DDX18: variants seen among roughly 807,000 people sequenced by gnomAD.
DDX18 encodes the protein ATP-dependent RNA helicase DDX18.
DDX18 carries 23 observed loss-of-function variants against 73.5 expected under a neutral mutation model. The ratio of observed to expected loss-of-function variants is 0.31; its 90% confidence interval spans 0.23 to 0.44. The LOEUF (loss-of-function observed/expected upper bound fraction) is 0.44. Among genes scored for constraint, DDX18 ranks in the 20% least tolerant of loss-of-function variants. The probability of loss-of-function intolerance (pLI) is 1.00; values close to 1 mark genes in which losing one functional copy is unlikely to be tolerated. For missense variants in DDX18, 753 were observed against 792.9 expected, an observed-to-expected ratio of 0.95 and a Z score of 0.60; for synonymous variants, 268 against 282.7, an observed-to-expected ratio of 0.95 and a Z score of 0.52.
intron 4 of DDX18, 121 bp downstream of exon 4, chr2:117,821,417 A>C (rs1227673171): frequency 2.3e-6 from 3 of 1,301,940 alleles, no homozygotes; most frequent in African/African-American, 1.5e-5. Context: ...TCCAGCATAC[A>C]TTAAAGGCTT....
chr2:117,830,365 G>A (rs978596567), intron 13 of DDX18, among the ~76,000 whole-genome samples: 4 of 152,112 alleles, frequency 2.6e-5, no homozygotes, highest in Non-Finnish European at 4.4e-5. Context: ...ATTACACACC[G>A]AAGTTTAAAA....
chr2:117,819,842 C>G (rs372599758), intron 3 of DDX18, 50 bp downstream of exon 3: 25 of 1,490,708 alleles, frequency 1.7e-5, no homozygotes, highest in Non-Finnish European at 2.1e-5. Flanking sequence ...ATGTGCCTCT[C>G]TTAGAGGATT....
intron 2 of DDX18, among the ~76,000 whole-genome samples, chr2:117,818,672 T>TTTTG (rs569132250): frequency 0.013 from 2,013 of 152,066 alleles, 44 homozygotes; most frequent in South Asian, 0.082. Flanking sequence ...CTTATGGGTT[T>TTTTG]TTTGTTTGTT....
Position 117,822,261 on chromosome 2 carries a change from A to G in DDX18, c.1066A>G (p.Thr356Ala). 2.5e-6 allele frequency: 4 copies of G among 1,609,106 alleles called. No individual in the cohort carries two copies. The highest frequency in any genetic ancestry group is 1.7e-5 in the Admixed American group (1 of 59,942). ...AAAGCAAATTATTAAACTTTTGCCA[A>G]GTAAGTAGGTAGCATCTGCATTTGG... The part of the protein sequence containing the change: ...ELKQIIKLLP[T>A]RRQTMLFSAT... The change falls in exon 7 of 14, where the codon ACA becomes GCA. Residue 356 changes from threonine (T) to alanine (A), a missense_variant and splice_region_variant. This residue lies in a region of DDX18 where 402 missense variants were observed against 419.4 expected (regional missense o/e 0.96). Transcript: ENST00000263239.
At chr2:117,816,634 G>A (rs990813568) in intron 1 of DDX18, among the ~76,000 whole-genome samples, 10 of 152,054 alleles carry the variant, frequency 6.6e-5, no homozygotes, top group African/African-American at 2.4e-4. Flanking sequence ...AGTAAAAGGA[G>A]TAAACTCTAA....
At chr2:117,825,419 T>G in intron 9 of DDX18, 28 bp from the exon 10 acceptor site, 1 of 1,601,360 alleles carries the variant, frequency 6.2e-7, no homozygotes, top group Non-Finnish European at 8.5e-7. Flanking sequence ...AGATTCCAGC[T>G]CTAATGGATG....
At chr2:117,823,714 C>G (rs895414619) in intron 7 of DDX18, among the ~76,000 whole-genome samples, 1 of 152,032 alleles carries the variant, frequency 6.6e-6, no homozygotes, top group African/African-American at 2.4e-5. Context: ...GAGCAGACAT[C>G]CTTATCTTGG....
chr2:117,824,972 C>G lies in DDX18; in HGVS notation c.1239C>G (p.Phe413Leu). ...TTGTTTGTCCTTCTGAAAAGAGATT[C>G]CTTCTGCTCTTTACATTCCTTAAGA... ...GYVVCPSEKR[F>L]LLLFTFLKKN... Residue 413 changes from phenylalanine to leucine, a missense_variant, in exon 9 of 14, where the codon TTC becomes TTG. By Grantham distance (22) the Phe-to-Leu change is conservative. Around this residue, in one of 3 missense-constraint regions of DDX18, gnomAD observed 402 missense variants for 419.4 expected, o/e 0.96. Coordinates refer to ENST00000263239, the MANE Select transcript of DDX18 (RefSeq NM_006773.4). The G allele has an allele frequency of 6.2e-7, 1 of 1,612,214 alleles. No homozygotes were observed. The highest frequency in any genetic ancestry group is 8.5e-7 in the Non-Finnish European group (1 of 1,179,522).
intron 3 of DDX18, among the ~76,000 whole-genome samples, chr2:117,820,646 C>T (rs2104621342): frequency 6.6e-6 from 1 of 152,310 alleles, no homozygotes; most frequent in Admixed American, 6.5e-5. Context: ...TGGGGAACCC[C>T]CAGGTGATTT....
intron 1 of DDX18, chr2:117,815,640 A>G (rs944733364): frequency 1.3e-5 from 2 of 152,246 alleles, no homozygotes; most frequent in African/African-American, 4.8e-5. Context: ...AGGTTTGTGA[A>G]TTTTAGGAAT....
chr2:117,817,621 A>G lies in DDX18; in HGVS notation c.263A>G (p.Gln88Arg), dbSNP rs541751778. ...AATATAAAAGTTACAAAGTCTCCCC[A>G]GAAATCCACTGTATTAACCAATGGA... ...VGNIKVTKSPQKSTVLTNGEA... is the reference protein window; with the variant it reads ...VGNIKVTKSPRKSTVLTNGEA... Residue 88 changes from glutamine to arginine, a missense_variant, in exon 2 of 14, where the codon CAG (glutamine) becomes CGG (arginine). By Grantham distance (43) the Gln-to-Arg change is conservative. Coordinates refer to ENST00000263239, the MANE Select transcript of DDX18 (RefSeq NM_006773.4). The G allele has an allele frequency of 1.2e-6, 2 of 1,614,092 alleles. No individual in the cohort carries two copies. Among genetic ancestry groups the G allele is most frequent in the Admixed American group, 1.7e-5 (1 of 60,032 alleles).
intron 2 of DDX18, among the ~76,000 whole-genome samples, chr2:117,818,124 G>A (rs1406795700): frequency 6.6e-6 from 1 of 152,132 alleles, no homozygotes; most frequent in Non-Finnish European, 1.5e-5. Context: ...CTGAATAAAT[G>A]GAACATTAAT....
chr2:117,828,692 G>T (rs2104627233), intron 11 of DDX18: 1 of 422,370 alleles, frequency 2.4e-6, no homozygotes, highest in East Asian at 4.3e-5. Flanking sequence ...GGATTATAGA[G>T]ATTCTTACAG....
Position 117,822,044 on chromosome 2 carries a change from C to T in DDX18, c.934C>T (p.Leu312=). The change falls in exon 6 of 14, where the codon CTG becomes TTG. Residue 312 remains leucine (L), a synonymous_variant. Transcript: ENST00000263239. ...INIIVATPGR[L]LDHMQNTPGF... is the part of the protein sequence containing the mutation. ...CATCATTGTGGCCACACCAGGCCGT[C>T]TGCTGGACCATATGCAGGTAAGAGA... 1.9e-6 allele frequency: 3 copies of T among 1,614,018 alleles called. No individual in the cohort carries two copies. Among genetic ancestry groups the T allele is most frequent in the Non-Finnish European group, 8.5e-7 (1 of 1,179,930 alleles).
At chr2:117,820,323 G>GC (rs886508432) in intron 3 of DDX18, among the ~76,000 whole-genome samples, 31 of 152,182 alleles carry the variant, frequency 2.0e-4, no homozygotes, top group African/African-American at 6.5e-4. Flanking sequence ...AGGGAAATTC[G>GC]CCCCCCGAGT....
intron 4 of DDX18, 145 bp from the exon 5 acceptor site, chr2:117,821,498 CTTATGAT>C: frequency 9.4e-7 from 1 of 1,064,292 alleles, no homozygotes; most frequent in Non-Finnish European, 1.4e-6. Context: ...ACAGTTCTGA[CTTATGAT>C]TTCAGTATAT....
At chr2:117,826,148 G>T in intron 10 of DDX18, 121 bp from the exon 11 acceptor site, 2 of 646,784 alleles carry the variant, frequency 3.1e-6, no homozygotes, top group Non-Finnish European at 5.1e-6. Flanking sequence ...AGGTGTGTGT[G>T]GCCCAGCACC....
intron 7 of DDX18, chr2:117,822,555 T>C: frequency 3.2e-6 from 1 of 313,776 alleles, no homozygotes; most frequent in African/African-American, 2.2e-5. Flanking sequence ...AGCCGCAGAT[T>C]TTTTGCCTTA....
At position 117,817,597 on chromosome 2, in the gene DDX18, A is replaced by G; in HGVS notation, c.239A>G (p.Asn80Ser). ...NGGMSQEAVGNIKVTKSPQKS... is the reference protein window; with the variant it reads ...NGGMSQEAVGSIKVTKSPQKS... The stretch of plus-strand genomic sequence containing the variant: ...GGCATGTCTCAAGAAGCAGTGGGAA[A>G]TATAAAAGTTACAAAGTCTCCCCAG... Residue 80 changes from asparagine to serine, a missense_variant, in exon 2 of 14, where the codon AAT becomes AGT. By Grantham distance (46) the Asn-to-Ser change is conservative. Around this residue, in one of 3 missense-constraint regions of DDX18, gnomAD observed 345 missense variants for 352.0 expected, o/e 0.98. Transcript: ENST00000263239. 6.2e-7 allele frequency: 1 copy of G among 1,614,100 alleles called. No homozygotes were observed. The highest frequency in any genetic ancestry group is 8.5e-7 in the Non-Finnish European group (1 of 1,179,986).
Sources: allele counts gnomAD v4.1 joint callset (sites outside exome capture counted in the v4.1 genomes callset), GRCh38; gene constraint gnomAD v4.1.1; regional missense constraint gnomAD v4.1.1; transcripts MANE v1.5; gene names NCBI Gene and HGNC (gene_info 2026-07-23, HGNC 2026-07-21).